IDE: variants seen among roughly 807,000 people sequenced by gnomAD.
The protein encoded by IDE is insulin-degrading enzyme.
In IDE, 58 loss-of-function variants were observed where a neutral mutation model predicts 133.2. The observed-to-expected ratio is 0.44, with a 90% CI of 0.35 to 0.54. The LOEUF (loss-of-function observed/expected upper bound fraction) is 0.54. Ranked by LOEUF, IDE falls within the 20% of genes least tolerant of loss-of-function variation. The pLI is 0.00. For synonymous variants in IDE, 396 were observed against 421.3 expected (o/e 0.94, Z 0.73); for missense variants, 981 against 1,234.0 (o/e 0.79, Z 3.07).
chr10:92,510,039 T>C lies in IDE; in HGVS notation c.897+11A>G. ...ATTAAGAAGACAAAATACCAAAATTTATGCACTTACTTTAAGATGTTCTTC... is the reference window on the plus strand; with the variant it reads ...ATTAAGAAGACAAAATACCAAAATTCATGCACTTACTTTAAGATGTTCTTC... On this transcript the variant is annotated intron_variant, in intron 6 of 24. Coordinates refer to ENST00000265986, the MANE Select transcript of IDE (RefSeq NM_004969.4). 1 of 1,389,144 alleles carries C rather than the reference T, an allele frequency of 7.2e-7. No homozygotes were observed. The highest frequency in any genetic ancestry group is 1.0e-6 in the Non-Finnish European group (1 of 983,802). The allele number at this position is 1,389,144 out of a possible 1,614,324, so 86.1% of individuals were successfully genotyped here.
At chr10:92,571,415 G>A (rs747662782) in intron 1 of IDE, among the ~76,000 whole-genome samples, 8 of 152,266 alleles carry the variant, frequency 5.3e-5, no homozygotes, top group Non-Finnish European at 1.2e-4. Context: ...TTTTCTGATT[G>A]ACAGTAGTTT....
intron 17 of IDE, among the ~76,000 whole-genome samples, chr10:92,472,418 A>C (rs1212159571): frequency 6.6e-6 from 1 of 152,180 alleles, no homozygotes; most frequent in Non-Finnish European, 1.5e-5. Context: ...ATATGACCAT[A>C]ATCATTTTGC....
chr10:92,543,962 G>A (rs913149360), intron 1 of IDE, among the ~76,000 whole-genome samples: 8 of 152,190 alleles, frequency 5.3e-5, no homozygotes, highest in Non-Finnish European at 1.0e-4. Context: ...GCCGGGTGCC[G>A]TGGGTCACGC....
intron 4 of IDE, among the ~76,000 whole-genome samples, chr10:92,520,564 T>C (rs896522406): frequency 2.0e-5 from 3 of 152,216 alleles, no homozygotes; most frequent in Non-Finnish European, 4.4e-5. Flanking sequence ...AACATACCTA[T>C]AGCTAGTTAC....
chr10:92,555,497 C>CAA (rs71306837), intron 1 of IDE, among the ~76,000 whole-genome samples: 226 of 91,966 alleles, frequency 2.5e-3, no homozygotes, highest in Non-Finnish European at 3.5e-3. Context: ...AACTTTGTCT[C>CAA]AAAAAAAAAA....
intron 13 of IDE, among the ~76,000 whole-genome samples, chr10:92,483,700 C>T (rs1273980549): frequency 6.6e-6 from 1 of 152,190 alleles, no homozygotes; most frequent in Admixed American, 6.5e-5. Context: ...AGCCAGCTTC[C>T]AGGGTGGCCC....
At chr10:92,546,676 T>A (rs1842545664) in intron 1 of IDE, among the ~76,000 whole-genome samples, 1 of 152,216 alleles carries the variant, frequency 6.6e-6, no homozygotes, top group African/African-American at 2.4e-5. Flanking sequence ...AAGTACAGCA[T>A]CAGTCAACTA....
rs185558504 is a variant in IDE at position 92,514,138 on chromosome 10, A to G, written c.784+782T>C. On this transcript the variant is annotated intron_variant, in intron 5 of 24. Coordinates refer to ENST00000265986, the MANE Select transcript of IDE (RefSeq NM_004969.4). ...ATTATTTCCTGAGATTGCATTTTTA[A>G]AAGTAAAAATGCATCTTTACTTTTA... 4.9e-3 allele frequency among the ~76,000 whole-genome samples: 747 copies of G among 152,246 alleles called. 7 individuals are homozygous for G. The highest frequency in any genetic ancestry group is 0.017 in the African/African-American group (710 of 41,546).
Position 92,566,411 on chromosome 10 carries a change from T to TCACA in IDE, c.98+7510_98+7511insTGTG, listed in dbSNP as rs531974780. Among the ~76,000 whole-genome samples, 492 of 143,030 alleles carry TCACA rather than the reference T, an allele frequency of 3.4e-3. 6 individuals are homozygous for TCACA. Among genetic ancestry groups the TCACA allele is most frequent in the African/African-American group, 8.8e-3 (330 of 37,468 alleles). The allele number at this position is 143,030 out of a possible 152,430, so 93.8% of individuals were successfully genotyped here. On this transcript the variant is annotated intron_variant, in intron 1 of 24. Coordinates refer to ENST00000265986, the MANE Select transcript of IDE (RefSeq NM_004969.4). ...CTATCTCTCTCTCTCTCTCTCTCTCTCTCACACACACACACACACACACAC... is the reference window on the plus strand; with the variant it reads ...CTATCTCTCTCTCTCTCTCTCTCTCTCACACTCACACACACACACACACACACAC...
chr10:92,569,386 A>C (rs541316455), intron 1 of IDE, among the ~76,000 whole-genome samples: 1 of 152,362 alleles, frequency 6.6e-6, no homozygotes, highest in African/African-American at 2.4e-5. Context: ...ATGTGATGAT[A>C]AGAATCAACT....
intron 19 of IDE, among the ~76,000 whole-genome samples, chr10:92,466,229 T>TCA (rs1198612935): frequency 5.9e-4 from 22 of 37,486 alleles, no homozygotes; most frequent in African/African-American, 3.4e-3. Context: ...AGACCCTGTC[T>TCA]CAAAAAAAAA....
intron 12 of IDE, among the ~76,000 whole-genome samples, chr10:92,488,484 G>A (rs1847137523): frequency 6.6e-6 from 1 of 152,104 alleles, no homozygotes; most frequent in Admixed American, 6.6e-5. Context: ...ACAAGGTTAA[G>A]AACAAAGTTG....
intron 11 of IDE, chr10:92,497,599 G>A (rs1335158406): frequency 6.4e-6 from 2 of 310,106 alleles, no homozygotes; most frequent in African/African-American, 2.3e-5. Flanking sequence ...ATTCTTAAGA[G>A]TTTCCTGTTT....
chr10:92,551,477 A>G (rs578000255), intron 1 of IDE, among the ~76,000 whole-genome samples: 1 of 150,962 alleles, frequency 6.6e-6, no homozygotes, highest in South Asian at 2.1e-4. Flanking sequence ...CTGAGGCAGG[A>G]GAATTGCTTG....
At chr10:92,464,395 C>G (rs1845558533) in intron 20 of IDE, among the ~76,000 whole-genome samples, 1 of 152,206 alleles carries the variant, frequency 6.6e-6, no homozygotes. Flanking sequence ...CATCCAAGTT[C>G]CGCATATGAA....
At chr10:92,536,300 T>A (rs1841998226) in intron 2 of IDE, among the ~76,000 whole-genome samples, 1 of 150,898 alleles carries the variant, frequency 6.6e-6, no homozygotes, top group Admixed American at 6.6e-5. Flanking sequence ...GGAAGATTGC[T>A]TGAACCTGGG....
At chr10:92,562,308 CAAGA>C (rs1044613729) in intron 1 of IDE, among the ~76,000 whole-genome samples, 7 of 152,104 alleles carry the variant, frequency 4.6e-5, no homozygotes, top group Non-Finnish European at 1.0e-4. Context: ...TATGTAAGCA[CAAGA>C]AAGGAAAAAG....
At chr10:92,534,523 T>C (rs887069265) in intron 3 of IDE, 55 bp downstream of exon 3, 4 of 931,838 alleles carry the variant, frequency 4.3e-6, no homozygotes, top group African/African-American at 1.7e-5. Flanking sequence ...ATAATTATTA[T>C]TATTAATGTG....
intron 1 of IDE, among the ~76,000 whole-genome samples, chr10:92,543,449 C>A (rs1025211178): frequency 5.9e-5 from 9 of 152,174 alleles, no homozygotes; most frequent in Admixed American, 1.3e-4. Flanking sequence ...CTACCCAAAG[C>A]TCTTCAGTTA....
Sources: allele counts gnomAD v4.1 joint callset (sites outside exome capture counted in the v4.1 genomes callset), GRCh38; gene constraint gnomAD v4.1.1; transcripts MANE v1.5; gene names NCBI Gene and HGNC (gene_info 2026-07-23, HGNC 2026-07-21).